The following TOM1L1 variants were observed in gnomAD, a reference collection of about 807,000 sequenced individuals.
TOM1L1 encodes the protein target of myb1 like 1 membrane trafficking protein, also known as TOM1-like protein 1.
In TOM1L1, 64 loss-of-function variants were observed where a neutral mutation model predicts 63.4. The observed-to-expected ratio is 1.01, with a 90% CI of 0.83 to 1.24. The LOEUF (loss-of-function observed/expected upper bound fraction) is 1.24, where lower values mean the gene tolerates loss of function less well. TOM1L1 is among the 50% of genes most tolerant of loss of function. The pLI, the probability that TOM1L1 is intolerant of heterozygous loss-of-function variation, is 0.00. For missense variants in TOM1L1, 536 were observed against 567.0 expected, an observed-to-expected ratio of 0.95 and a Z score of 0.55; for synonymous variants, 166 against 194.4, an observed-to-expected ratio of 0.85 and a Z score of 1.22.
chr17:54,917,754 C>T (rs2048615282), intron 7 of TOM1L1, among the ~76,000 whole-genome samples: 1 of 152,170 alleles, frequency 6.6e-6, no homozygotes, highest in Non-Finnish European at 1.5e-5. Flanking sequence ...CCAGCTCACC[C>T]ATGCTGAAGG....
At chr17:54,901,099 C>T (rs1198793288) in intron 1 of TOM1L1, 176 bp downstream of exon 1, 4 of 824,138 alleles carry the variant, frequency 4.9e-6, no homozygotes, top group Admixed American at 2.3e-5. Flanking sequence ...TCGTCGTTTC[C>T]TTCTTGGCCA....
chr17:54,949,384 AATAAT>A (rs1210764496), intron 12 of TOM1L1, 129 bp from the exon 13 acceptor site: 3 of 624,928 alleles, frequency 4.8e-6, no homozygotes, highest in Non-Finnish European at 8.2e-6. Flanking sequence ...AAACTAAAGT[AATAAT>A]TAAAAACAAC....
chr17:54,913,970 C>A, intron 5 of TOM1L1, 97 bp downstream of exon 5: 2 of 1,354,794 alleles, frequency 1.5e-6, no homozygotes, highest in Non-Finnish European at 2.0e-6. Flanking sequence ...CCAGCTTAAG[C>A]AAAAAGATGA....
In TOM1L1 at chr17:54,961,790, G is replaced by T. The variant is rs2077130732; in HGVS notation, c.*557G>T. 1.0e-6 allele frequency: 1 copy of T among 988,624 alleles called. No individual in the cohort carries two copies. 61.2% of individuals were successfully genotyped at this position (988,624 alleles called of 1,614,324 possible). A position where few individuals can be genotyped will look rare whatever the true frequency, so the allele number is the denominator to read the frequency against. On this transcript the variant is annotated 3_prime_UTR_variant, in exon 16 of 16. Coordinates refer to ENST00000575882, the MANE Select transcript of TOM1L1 (RefSeq NM_005486.3). ...ATTATATTTCAGGTGTCCTGAACAG[G>T]TCACTAGACTCTACATTGGGCAGCC... is the stretch of plus-strand genomic sequence containing the variant.
At chr17:54,951,682 G>A (rs373314987) in intron 14 of TOM1L1, among the ~76,000 whole-genome samples, 1 of 152,166 alleles carries the variant, frequency 6.6e-6, no homozygotes, top group Non-Finnish European at 1.5e-5. Context: ...TGAAAACTCG[G>A]ATATTTGAAA....
At position 54,960,594 on chromosome 17, in the gene TOM1L1, C is replaced by T; in HGVS notation, c.1399C>T (p.Gln467Ter). The T allele has an allele frequency of 6.2e-7, 1 of 1,613,202 alleles. No individual in the cohort carries two copies. The highest frequency in any genetic ancestry group is 8.5e-7 in the Non-Finnish European group (1 of 1,179,646). ...EAIYEEIDAHQHKGAQNDGD is the reference protein window; with the variant it reads ...EAIYEEIDAH ...TATTTATGAAGAAATTGATGCTCAC[C>T]AGCACAAAGGAGCTCAAAATGATGG... Residue 467 changes from glutamine (Q) to a stop codon, truncating the protein, a stop_gained, in exon 15 of 16, where the codon CAG becomes TAG. Coordinates refer to ENST00000575882, the MANE Select transcript of TOM1L1 (RefSeq NM_005486.3). LOFTEE classifies it high-confidence loss of function.
intron 12 of TOM1L1, among the ~76,000 whole-genome samples, chr17:54,948,780 TATGAG>T (rs1048746534): frequency 6.6e-6 from 1 of 152,214 alleles, no homozygotes; most frequent in Non-Finnish European, 1.5e-5. Context: ...TAAGGAAAAT[TATGAG>T]AAGAGATATT....
At chr17:54,954,570 G>A (rs2049397278) in intron 14 of TOM1L1, 1 of 152,238 alleles carries the variant, frequency 6.6e-6, no homozygotes, top group Non-Finnish European at 1.5e-5. Flanking sequence ...TTCCCTGGAG[G>A]TGCAGAGGGT....
intron 11 of TOM1L1, among the ~76,000 whole-genome samples, chr17:54,945,941 T>C (rs985110160): frequency 1.2e-4 from 19 of 152,228 alleles, no homozygotes; most frequent in Non-Finnish European, 7.3e-5. Flanking sequence ...AATTTTGGAT[T>C]CTATCTTGGA....
intron 8 of TOM1L1, among the ~76,000 whole-genome samples, chr17:54,932,187 G>C (rs985158697): frequency 6.6e-6 from 1 of 152,088 alleles, no homozygotes; most frequent in South Asian, 2.1e-4. Flanking sequence ...CGAGCTCCCC[G>C]AGTGAGCAAT....
At chr17:54,954,423 G>A (rs1279856611) in intron 14 of TOM1L1, 1 of 152,226 alleles carries the variant, frequency 6.6e-6, no homozygotes, top group Admixed American at 6.5e-5. Context: ...ACCCTCCAGG[G>A]TTATATGCGT....
chr17:54,950,738 C>T lies in TOM1L1; in HGVS notation c.1370+612C>T, dbSNP rs562516888. ...TTTATTGGAAATCATTGTTCAGAAA[C>T]TGACAGCCTACAGGCTCTATCTTGC... On this transcript the variant is annotated intron_variant, in intron 14 of 15. Coordinates refer to ENST00000575882, the MANE Select transcript of TOM1L1 (RefSeq NM_005486.3). Among the ~76,000 whole-genome samples the T allele has an allele frequency of 3.9e-5, 6 of 152,302 alleles. 1 individual carries two copies. The highest frequency in any genetic ancestry group is 1.4e-4 in the African/African-American group (6 of 41,576).
intron 14 of TOM1L1, among the ~76,000 whole-genome samples, chr17:54,951,087 G>A (rs1329171388): frequency 6.6e-6 from 1 of 152,166 alleles, no homozygotes; most frequent in Non-Finnish European, 1.5e-5. Context: ...TCACAAGCCT[G>A]GGCCTCTAAA....
In TOM1L1 at chr17:54,939,107, C is replaced by T; in HGVS notation, c.1130+87C>T. On this transcript the variant is annotated intron_variant, in intron 11 of 15. Transcript: ENST00000575882. ...AAAACCTGATGGCTGGGCGCAGTGA[C>T]TTACATCTGTAATCCTAGCACTTTG... is the stretch of plus-strand genomic sequence containing the variant. 5.5e-6 allele frequency: 5 copies of T among 915,464 alleles called. No individual in the cohort carries two copies. The South Asian group carries it at 8.7e-5, about 16-fold the overall frequency. The allele number at this position is 915,464 out of a possible 1,614,324, so 56.7% of individuals were successfully genotyped here.
At chr17:54,949,967 A>C in intron 13 of TOM1L1, 78 bp from the exon 14 acceptor site, 3 of 1,180,052 alleles carry the variant, frequency 2.5e-6, no homozygotes, top group Non-Finnish European at 3.7e-6. Flanking sequence ...TTTGAAGTCT[A>C]AATTATAAAA....
intron 1 of TOM1L1, among the ~76,000 whole-genome samples, chr17:54,902,376 G>A (rs1276777791): frequency 2.6e-5 from 4 of 152,076 alleles, no homozygotes; most frequent in Admixed American, 1.3e-4. Flanking sequence ...TGCAACCTCC[G>A]CCTACCGGGT....
chr17:54,961,159 AGAC>A, intron 15 of TOM1L1, 73 bp from the exon 16 acceptor site: 1 of 1,035,278 alleles, frequency 9.7e-7, no homozygotes, highest in Non-Finnish European at 1.5e-6. Flanking sequence ...TTCCCAGTAA[AGAC>A]AAGAGAGTTA....
chr17:54,901,022 A>G (rs531179384), intron 1 of TOM1L1, 99 bp downstream of exon 1: 923 of 1,521,286 alleles, frequency 6.1e-4, no homozygotes, highest in Non-Finnish European at 7.6e-4. Context: ...AGTTAGTCCA[A>G]CTTGAAAAAA....
rs1284121497 is a variant in TOM1L1, at chr17:54,915,816, A to G, written c.674A>G (p.Glu225Gly). 6.2e-7 allele frequency: 1 copy of G among 1,613,884 alleles called. No individual in the cohort carries two copies. Among genetic ancestry groups the G allele is most frequent in the Non-Finnish European group, 8.5e-7 (1 of 1,179,894 alleles). The change falls in exon 7 of 16, where the codon GAG becomes GGG. Residue 225 changes from glutamate to glycine, a missense_variant. Glu to Gly is a moderately conservative substitution (Grantham distance 98, BLOSUM62 -2). Coordinates refer to ENST00000575882, the MANE Select transcript of TOM1L1 (RefSeq NM_005486.3). ...NVRVMSAILM[E>G]NTPGSENHED... Reference sequence around the variant, plus strand: ...CGAGTGATGTCCGCCATATTGATGGAGAATACTCCTGGGTCTGAAAACCAT... The same window carrying G: ...CGAGTGATGTCCGCCATATTGATGGGGAATACTCCTGGGTCTGAAAACCAT...
Sources: allele counts gnomAD v4.1 joint callset (sites outside exome capture counted in the v4.1 genomes callset), GRCh38; gene constraint gnomAD v4.1.1; transcripts MANE v1.5; gene names NCBI Gene and HGNC (gene_info 2026-07-23, HGNC 2026-07-21).